The following ATP8B1 variants were observed in gnomAD, a reference collection of about 807,000 sequenced individuals.
The protein encoded by ATP8B1 is phospholipid-transporting ATPase IC.
Under a neutral mutation model 149.9 loss-of-function variants are expected in ATP8B1, and 80 were observed. That is an observed-to-expected ratio of 0.53 (90% CI 0.45 to 0.64). ATP8B1 has a LOEUF of 0.64. Among genes scored for constraint, ATP8B1 ranks in the 30% least tolerant of loss-of-function variants. The probability of loss-of-function intolerance (pLI) is 0.00; values close to 1 mark genes in which losing one functional copy is unlikely to be tolerated. For missense variants in ATP8B1, 1,247 were observed against 1,552.6 expected (o/e 0.80, Z 3.31); for synonymous variants, 536 against 562.8 (o/e 0.95, Z 0.67).
intron 10 of ATP8B1, among the ~76,000 whole-genome samples, chr18:57,694,920 C>T (rs1168799949): frequency 1.3e-5 from 2 of 150,738 alleles, no homozygotes; most frequent in African/African-American, 2.4e-5. Flanking sequence ...ATCCCAACTA[C>T]TCTGGAGCCT....
chr18:57,694,456 G>A (rs1199179180), intron 11 of ATP8B1, 126 bp downstream of exon 11: 2 of 674,110 alleles, frequency 3.0e-6, no homozygotes, highest in African/African-American at 3.6e-5. Context: ...TTTGAAGCTT[G>A]GAGTGCCCAA....
chr18:57,748,119 G>C (rs1298040291), intron 1 of ATP8B1, among the ~76,000 whole-genome samples: 1 of 152,106 alleles, frequency 6.6e-6, no homozygotes, highest in Non-Finnish European at 1.5e-5. Context: ...CTGATGTAAG[G>C]CTTCTGAAAC....
At chr18:57,795,246 T>C (rs887129019) in intron 1 of ATP8B1, among the ~76,000 whole-genome samples, 16 of 151,744 alleles carry the variant, frequency 1.1e-4, no homozygotes, top group Non-Finnish European at 2.4e-4. Context: ...CATTTTTTTT[T>C]TCTTTTATTA....
chr18:57,732,648 C>T (rs2079798659), intron 1 of ATP8B1, among the ~76,000 whole-genome samples: 1 of 151,908 alleles, frequency 6.6e-6, no homozygotes, highest in South Asian at 2.1e-4. Flanking sequence ...CTGTCACCTC[C>T]GCCTCCTGTG....
rs749392240 is a variant in ATP8B1 at position 57,648,623 on chromosome 18, C to A, written c.3621G>T (p.Ser1207=). ...VFRRGVSTRR[S]AYAFSHQRGY... The stretch of plus-strand genomic sequence containing the variant: ...CCCGCTGGTGCGAGAAGGCGTAGGC[C>A]GAGCGCCGCGTTGACACGCCCCGGC... The change falls in exon 28 of 28, where the codon TCG becomes TCT. Residue 1207 remains serine (S), a synonymous_variant. Coordinates refer to ENST00000648908, the MANE Select transcript of ATP8B1 (RefSeq NM_001374385.1). 2.5e-6 allele frequency: 4 copies of A among 1,607,176 alleles called. No homozygotes were observed. The South Asian group carries it at 4.4e-5, about 18-fold the overall frequency.
At chr18:57,681,653 T>G (rs189863164) in intron 15 of ATP8B1, among the ~76,000 whole-genome samples, 2 of 151,994 alleles carry the variant, frequency 1.3e-5, no homozygotes, top group East Asian at 1.9e-4. Context: ...ATACAAAAAT[T>G]AGCTGGGCGT....
intron 1 of ATP8B1, among the ~76,000 whole-genome samples, chr18:57,779,608 GA>G (rs2080340035): frequency 6.6e-6 from 1 of 152,080 alleles, no homozygotes. Flanking sequence ...TGTAATGAAA[GA>G]AAAAATAGGG....
At chr18:57,700,961 A>C in intron 6 of ATP8B1, 78 bp downstream of exon 6, 1 of 1,399,288 alleles carries the variant, frequency 7.1e-7, no homozygotes. Flanking sequence ...CTACATTGTA[A>C]TAATTATCTC....
intron 1 of ATP8B1, among the ~76,000 whole-genome samples, chr18:57,780,501 G>A (rs1334334675): frequency 6.6e-6 from 1 of 152,296 alleles, no homozygotes; most frequent in African/African-American, 2.4e-5. Context: ...AGCTGGGTGA[G>A]GGGGTGTGGA....
intron 6 of ATP8B1, among the ~76,000 whole-genome samples, chr18:57,698,610 T>G (rs1599129042): frequency 1.3e-5 from 2 of 152,178 alleles, no homozygotes; most frequent in African/African-American, 4.8e-5. Context: ...GCTGGGATTA[T>G]AGGCATGAGC....
chr18:57,652,336 G>A lies in ATP8B1; in HGVS notation c.3261+148C>T, dbSNP rs577380060. 2.8e-5 allele frequency: 41 copies of A among 1,446,990 alleles called. No individual in the cohort carries two copies. The East Asian group carries it at 6.7e-4, about 24-fold the overall frequency. 89.6% of individuals were successfully genotyped at this position (1,446,990 alleles called of 1,614,324 possible). A position where few individuals can be genotyped will look rare whatever the true frequency, so the allele number is the denominator to read the frequency against. The stretch of plus-strand genomic sequence containing the variant: ...TTGACTCAGGCAAGAAATAGAAAAT[G>A]TGCTTGGTATAAGAGATGAAAATAG... On this transcript the variant is annotated intron_variant, in intron 25 of 27. Coordinates refer to ENST00000648908, the MANE Select transcript of ATP8B1 (RefSeq NM_001374385.1).
chr18:57,648,604 G>A lies in ATP8B1; in HGVS notation c.3640C>T (p.Gln1214Ter). 6.2e-7 allele frequency: 1 copy of A among 1,610,920 alleles called. No homozygotes were observed. The highest frequency in any genetic ancestry group is 8.5e-7 in the Non-Finnish European group (1 of 1,179,666). Residue 1214 changes from glutamine (Q) to a stop codon, truncating the protein, a stop_gained, in exon 28 of 28, where the codon CAG (glutamine) becomes TAG (stop). Transcript: ENST00000648908. LOFTEE classifies it high-confidence loss of function. ...GAGATGAGGTCCGCGTAGCCCCGCT[G>A]GTGCGAGAAGGCGTAGGCCGAGCGC... is the stretch of plus-strand genomic sequence containing the variant. ...TRRSAYAFSH[Q>*]RGYADLISSG...
At chr18:57,704,791 T>C (rs373518016) in intron 3 of ATP8B1, 123 bp from the exon 4 acceptor site, 201 of 730,368 alleles carry the variant, frequency 2.8e-4, no homozygotes, top group African/African-American at 2.1e-3. Flanking sequence ...CAGAAAGATA[T>C]TGAGGATTTT....
chr18:57,718,761 G>A (rs560656309), intron 2 of ATP8B1, among the ~76,000 whole-genome samples: 57 of 152,172 alleles, frequency 3.7e-4, no homozygotes, highest in African/African-American at 1.1e-3. Context: ...ACAGAATGAA[G>A]GGCAAAAACC....
intron 10 of ATP8B1, 83 bp downstream of exon 10, chr18:57,695,088 G>T: frequency 7.0e-5 from 45 of 639,814 alleles, no homozygotes; most frequent in East Asian, 1.6e-4. Flanking sequence ...TTTTGGTTTT[G>T]ATGGACAAAG....
chr18:57,778,228 CTTTTTTTTTT>C (rs5825238), intron 1 of ATP8B1, among the ~76,000 whole-genome samples: 1 of 97,686 alleles, frequency 1.0e-5, no homozygotes, highest in East Asian at 6.9e-4. Context: ...TTTTCTTTTT[CTTTTTTTTTT>C]TTTTTGAGAC....
intron 20 of ATP8B1, among the ~76,000 whole-genome samples, chr18:57,662,835 C>G (rs1910560707): frequency 6.6e-6 from 1 of 152,122 alleles, no homozygotes; most frequent in Admixed American, 6.6e-5. Context: ...ATCACTGCAG[C>G]CTTGACCTCC....
rs1402246027 is a variant in ATP8B1, at chr18:57,720,498, A to G, written c.181+11129T>C. On this transcript the variant is annotated intron_variant, in intron 2 of 27. Coordinates refer to ENST00000648908, the MANE Select transcript of ATP8B1 (RefSeq NM_001374385.1). Reference sequence around the variant, plus strand: ...ATCAACTGGAAGAAAGGGTATCAGCAATGGAAGATGAAATGAATGAAATGA... The same window carrying G: ...ATCAACTGGAAGAAAGGGTATCAGCGATGGAAGATGAAATGAATGAAATGA... Among the ~76,000 whole-genome samples, 14 of 109,658 alleles carry G rather than the reference A, an allele frequency of 1.3e-4. No individual in the cohort carries two copies. In the East Asian group the frequency reaches 1.4e-3, roughly 11 times the overall value. The allele number at this position is 109,658 out of a possible 152,430, so 71.9% of individuals were successfully genotyped here.
At position 57,694,678 on chromosome 18, in the gene ATP8B1, T is replaced by C. The variant is rs1360619893; in HGVS notation, c.941-8A>G. On this transcript the variant is annotated splice_region_variant and splice_polypyrimidine_tract_variant and intron_variant, in intron 10 of 27. Coordinates refer to ENST00000648908, the MANE Select transcript of ATP8B1 (RefSeq NM_001374385.1). ...TTATTTTAGTGTCAGCACCTGAAAA[T>C]GGAAAATTCAATGTAGTCATCAGTT... is the stretch of plus-strand genomic sequence containing the variant. 1.3e-6 allele frequency: 2 copies of C among 1,551,180 alleles called. No individual in the cohort carries two copies. The highest frequency in any genetic ancestry group is 1.7e-5 in the Admixed American group (1 of 59,718).
Sources: gnomAD v4.1 joint callset for allele counts (sites outside exome capture counted in the v4.1 genomes callset) on GRCh38, gnomAD v4.1.1 for gene constraint, MANE v1.5 for transcripts, NCBI Gene and HGNC (gene_info 2026-07-23, HGNC 2026-07-21) for gene names.